GRM4: variants seen among roughly 807,000 people sequenced by gnomAD.
The protein encoded by GRM4 is glutamate metabotropic receptor 4.
GRM4 carries 28 observed loss-of-function variants against 81.7 expected under a neutral mutation model. That is an observed-to-expected ratio of 0.34 (90% confidence interval 0.25 to 0.47). The LOEUF (loss-of-function observed/expected upper bound fraction) is 0.47, where lower values mean the gene tolerates loss of function less well. Among genes scored for constraint, GRM4 ranks in the 20% least tolerant of loss-of-function variants. The pLI is 1.00. For synonymous variants in GRM4, 488 were observed against 528.8 expected (o/e 0.92, Z 1.06); for missense variants, 948 against 1,290.0 (o/e 0.73, Z 4.06).
chr6:34,123,884 C>T (rs1354934421), intron 2 of GRM4, among the ~76,000 whole-genome samples: 1 of 152,220 alleles, frequency 6.6e-6, no homozygotes, highest in Non-Finnish European at 1.5e-5. Context: ...TCTCCAGCAC[C>T]CAACTCTGTC....
chr6:34,028,418 C>A (rs1764249545), intron 9 of GRM4, 52 bp from the exon 10 acceptor site: 1 of 1,569,418 alleles, frequency 6.4e-7, no homozygotes, highest in South Asian at 1.1e-5. Flanking sequence ...ACTGAGGGCC[C>A]TGACTCCCGC....
chr6:34,043,927 C>A (rs2127448846), intron 6 of GRM4, among the ~76,000 whole-genome samples: 1 of 152,260 alleles, frequency 6.6e-6, no homozygotes, highest in South Asian at 2.1e-4. Flanking sequence ...CTTCTCAGCT[C>A]CCTGTGGCCT....
At chr6:34,023,608 C>G (rs2127433333) in intron 10 of GRM4, among the ~76,000 whole-genome samples, 1 of 152,282 alleles carries the variant, frequency 6.6e-6, no homozygotes, top group East Asian at 1.9e-4. Flanking sequence ...CTTGAGCCCC[C>G]CTTTTCTGCC....
rs957801348 is a variant in GRM4, at chr6:34,080,489, T to C, written c.736+11394A>G. Among the ~76,000 whole-genome samples the C allele has an allele frequency of 6.6e-5, 10 of 152,178 alleles. No individual in the cohort carries two copies. Among genetic ancestry groups the C allele is most frequent in the Admixed American group, 1.3e-4 (2 of 15,280 alleles). On this transcript the variant is annotated intron_variant, in intron 3 of 10. Coordinates refer to ENST00000538487, the MANE Select transcript of GRM4 (RefSeq NM_000841.4). This position sits in a 1 kb window ranked among gnomAD's most constrained non-coding sequence, Gnocchi z 5.4. ...GTGTCCTGGTCCAATGCCTGGCACA[T>C]AGTCAGTGCTCAATAAATATTCATT...
At chr6:34,142,704 AC>A (rs1770741611) in intron 1 of GRM4, among the ~76,000 whole-genome samples, 2 of 152,038 alleles carry the variant, frequency 1.3e-5, no homozygotes, top group Admixed American at 1.3e-4. Flanking sequence ...TCGATCGCTC[AC>A]CCGCTCGCTC....
rs1766317395 is a variant in GRM4, at chr6:34,064,087, A to G, written c.737-2059T>C. 6.6e-6 allele frequency among the ~76,000 whole-genome samples: 1 copy of G among 152,142 alleles called. No homozygotes were observed. Among genetic ancestry groups the G allele is most frequent in the Non-Finnish European group, 1.5e-5 (1 of 68,032 alleles). On this transcript the variant is annotated intron_variant, in intron 3 of 10. Coordinates refer to ENST00000538487, the MANE Select transcript of GRM4 (RefSeq NM_000841.4). This position sits in a 1 kb window ranked among gnomAD's most constrained non-coding sequence, Gnocchi z 4.4. ...TTGCTGGTGAAGGAAGGATTAGGTG[A>G]CCACGGCTCAGTCAGCGGGAGTGTG...
chr6:34,035,644 C>CGA lies in GRM4; in HGVS notation c.2442+23_2442+24insTC. The CGA allele has an allele frequency of 8.2e-7, 1 of 1,221,156 alleles. No individual in the cohort carries two copies. Among genetic ancestry groups the CGA allele is most frequent in the Non-Finnish European group, 1.2e-6 (1 of 852,900 alleles). The allele number at this position is 1,221,156 out of a possible 1,614,324, so 75.6% of individuals were successfully genotyped here. A position where few individuals can be genotyped will look rare whatever the true frequency, so the allele number is the denominator to read the frequency against. On this transcript the variant is annotated intron_variant, in intron 9 of 10. Transcript: ENST00000538487. This position sits in a 1 kb window ranked among gnomAD's most constrained non-coding sequence, Gnocchi z 6.6. ...CTCACTGCCCTCACCTACCCACCGT[C>CGA]CACCCCCGGCCCCCACCACTCACCT...
rs368844941 is a variant in GRM4, at chr6:34,046,204, ACACT to A, written c.1169-5460_1169-5457del. ...AGGGTAGACAAAATCCACCACACAG[ACACT>A]CACAGGTATTCACATCTGCATGCAT... is the stretch of plus-strand genomic sequence containing the variant. On this transcript the variant is annotated intron_variant, in intron 6 of 10. Transcript: ENST00000538487. 7.9e-5 allele frequency among the ~76,000 whole-genome samples: 12 copies of A among 152,276 alleles called. No individual in the cohort carries two copies. In the East Asian group the frequency reaches 2.3e-3, roughly 29 times the overall value.
rs11965508 is a variant in GRM4, at chr6:34,078,169, C to T, written c.736+13714G>A. Among the ~76,000 whole-genome samples, 13,255 of 152,168 alleles carry T rather than the reference C, an allele frequency of 0.087. 1,355 individuals carry two copies. The highest frequency in any genetic ancestry group is 0.25 in the African/African-American group (10,345 of 41,432). ...ATGAACATGCTAGGTGGTTAATTAA[C>T]TAACATTTGACCTATTGTCCGGAAG... On this transcript the variant is annotated intron_variant, in intron 3 of 10. Transcript: ENST00000538487. The surrounding 1 kb of genome is among the most constrained non-coding windows in gnomAD (Gnocchi z 4.8).
chr6:34,090,652 C>G lies in GRM4; in HGVS notation c.736+1231G>C, dbSNP rs1223111308. 6.6e-6 allele frequency among the ~76,000 whole-genome samples: 1 copy of G among 152,006 alleles called. No individual in the cohort carries two copies. Among genetic ancestry groups the G allele is most frequent in the Non-Finnish European group, 1.5e-5 (1 of 67,986 alleles). On this transcript the variant is annotated intron_variant, in intron 3 of 10. Transcript: ENST00000538487. This position sits in a 1 kb window ranked among gnomAD's most constrained non-coding sequence, Gnocchi z 5.2. ...TGCCCCACTTCCCGCCGCCCCGCTG[C>G]CCCCTCCACCAGGTGGAGGCCCCCA...
At chr6:34,145,749 C>T (rs1216310601) in intron 1 of GRM4, among the ~76,000 whole-genome samples, 1 of 152,210 alleles carries the variant, frequency 6.6e-6, no homozygotes, top group Admixed American at 6.5e-5. Flanking sequence ...AGGCACGAGA[C>T]CAATCCGGCA....
At chr6:34,153,011 G>A (rs1440170005) in intron 1 of GRM4, among the ~76,000 whole-genome samples, 1 of 152,134 alleles carries the variant, frequency 6.6e-6, no homozygotes, top group East Asian at 1.9e-4. Flanking sequence ...CCAGTGCAAT[G>A]ATTCCACTCC....
Position 34,095,847 on chromosome 6 carries a change from C to G in GRM4, c.520-3748G>C, listed in dbSNP as rs999681168. ...TGGAGGGATCGGGGGCAGGAGGTGCCAGGGGCCGCCACAGGTGGGCAGGGA... is the reference window on the plus strand; with the variant it reads ...TGGAGGGATCGGGGGCAGGAGGTGCGAGGGGCCGCCACAGGTGGGCAGGGA... On this transcript the variant is annotated intron_variant, in intron 2 of 10. Coordinates refer to ENST00000538487, the MANE Select transcript of GRM4 (RefSeq NM_000841.4). Among the ~76,000 whole-genome samples the G allele has an allele frequency of 5.9e-5, 9 of 152,290 alleles. 1 individual carries two copies. The highest frequency in any genetic ancestry group is 2.2e-4 in the African/African-American group (9 of 41,552).
rs147871838 is a variant in GRM4 at position 34,091,920 on chromosome 6, G to A, written c.699C>T (p.Ser233=). Reference sequence around the variant, plus strand: ...ACTTCTGGATGAAGGCCTCCACACCGCTCTCACCATAGCTGCCCTCCGAGG... The same window carrying A: ...ACTTCTGGATGAAGGCCTCCACACCACTCTCACCATAGCTGCCCTCCGAGG... The part of the protein sequence containing the change: ...TVASEGSYGE[S]GVEAFIQKSR... The change falls in exon 3 of 11, where the codon AGC becomes AGT. Residue 233 remains serine, a synonymous_variant. Transcript: ENST00000538487. The A allele has an allele frequency of 2.6e-4, 421 of 1,613,836 alleles. No homozygotes were observed. Among genetic ancestry groups the A allele is most frequent in the Middle Eastern group, 2.0e-3 (12 of 6,056 alleles).
At chr6:34,072,785 C>T (rs886766039) in intron 3 of GRM4, among the ~76,000 whole-genome samples, 5 of 102,352 alleles carry the variant, frequency 4.9e-5, no homozygotes, top group African/African-American at 1.7e-4. Context: ...CACACAGACC[C>T]AAACACATCA....
chr6:34,072,619 T>C (rs111066525), intron 3 of GRM4, among the ~76,000 whole-genome samples: 24,447 of 90,420 alleles, frequency 0.27, 2,278 homozygotes, highest in African/African-American at 0.45. Context: ...CACACACACA[T>C]CACCGCATAG....
chr6:34,135,688 G>A (rs59214571), intron 1 of GRM4, among the ~76,000 whole-genome samples: 3,358 of 151,062 alleles, frequency 0.022, 85 homozygotes, highest in East Asian at 0.11. Context: ...ATTCCTTCCT[G>A]TGAATGAATT....
chr6:34,108,879 G>A (rs951717619), intron 2 of GRM4, among the ~76,000 whole-genome samples: 1 of 152,080 alleles, frequency 6.6e-6, no homozygotes, highest in Admixed American at 6.5e-5. Context: ...CTGTACCGGT[G>A]CACCTCGAGG....
rs1407984382 is a variant in GRM4, at chr6:34,028,385, G to A, written c.2443-19C>T. 1.2e-6 allele frequency: 2 copies of A among 1,604,242 alleles called. No homozygotes were observed. Among genetic ancestry groups the A allele is most frequent in the African/African-American group, 1.3e-5 (1 of 74,794 alleles). Reference sequence around the variant, plus strand: ...TGTACAGCTGGCGGAGGGCACGGTGGCGTCAGAGCAGGCTCTGCCCCGACT... The same window carrying A: ...TGTACAGCTGGCGGAGGGCACGGTGACGTCAGAGCAGGCTCTGCCCCGACT... On this transcript the variant is annotated intron_variant, in intron 9 of 10. Transcript: ENST00000538487.
Sources: gnomAD v4.1 joint callset for allele counts (sites outside exome capture counted in the v4.1 genomes callset) on GRCh38, gnomAD v4.1.1 for gene constraint, Gnocchi (gnomAD v3.1) non-coding constraint, MANE v1.5 for transcripts, NCBI Gene and HGNC (gene_info 2026-07-23, HGNC 2026-07-21) for gene names.